The following ROBO1 variants were observed in gnomAD, a reference collection of about 807,000 sequenced individuals.
ROBO1 encodes the protein roundabout guidance receptor 1.
ROBO1 carries 149 observed loss-of-function variants against 195.9 expected under a neutral mutation model. That is an observed-to-expected ratio of 0.76 (90% CI 0.67 to 0.87). ROBO1 has a LOEUF of 0.87. Among genes scored for constraint, ROBO1 ranks in the 40% least tolerant of loss-of-function variants. The probability of loss-of-function intolerance (pLI) is 0.00; values close to 1 mark genes in which losing one functional copy is unlikely to be tolerated. For missense variants in ROBO1, 1,933 were observed against 2,068.3 expected (o/e 0.93, Z 1.27); for synonymous variants, 816 against 733.2 (o/e 1.11, Z -1.82).
At chr3:79,707,619 C>A (rs1324869175) in intron 1 of ROBO1, among the ~76,000 whole-genome samples, 1 of 152,144 alleles carries the variant, frequency 6.6e-6, no homozygotes, top group African/African-American at 2.4e-5. Context: ...AGTGATTCTC[C>A]TGCCTCAGCC....
intron 2 of ROBO1, among the ~76,000 whole-genome samples, chr3:79,585,904 G>A (rs911041324): frequency 6.6e-6 from 1 of 151,834 alleles, no homozygotes; most frequent in African/African-American, 2.4e-5. Context: ...AATCTCTACA[G>A]GTTTTAAATG....
chr3:78,653,780 C>T (rs974126233), intron 18 of ROBO1, among the ~76,000 whole-genome samples: 2 of 152,134 alleles, frequency 1.3e-5, no homozygotes, highest in Non-Finnish European at 2.9e-5. Context: ...GCCACAGGGG[C>T]GTCTGCCAGT....
intron 5 of ROBO1, among the ~76,000 whole-genome samples, chr3:78,727,442 C>T (rs2082190387): frequency 6.6e-6 from 1 of 151,956 alleles, no homozygotes. Context: ...CTGGCTAACA[C>T]GGTGAAACCC....
chr3:79,078,142 A>G (rs890989719), intron 3 of ROBO1, among the ~76,000 whole-genome samples: 17 of 151,832 alleles, frequency 1.1e-4, no homozygotes, highest in Non-Finnish European at 2.5e-4. Context: ...TGAATTTTCT[A>G]ATTTTCTGTC....
At chr3:79,650,208 G>A (rs1945962365) in intron 1 of ROBO1, among the ~76,000 whole-genome samples, 1 of 151,702 alleles carries the variant, frequency 6.6e-6, no homozygotes, top group African/African-American at 2.4e-5. Context: ...GAAAACTGCA[G>A]AGAAAATACC....
At chr3:79,483,882 C>A (rs902199706) in intron 2 of ROBO1, among the ~76,000 whole-genome samples, 1 of 151,828 alleles carries the variant, frequency 6.6e-6, no homozygotes, top group African/African-American at 2.4e-5. Context: ...GCAGTTCATG[C>A]AGAAGGAGAG....
At position 78,941,302 on chromosome 3, in the gene ROBO1, T is replaced by C. The variant is rs149370425; in HGVS notation, c.173-2375A>G. On this transcript the variant is annotated intron_variant, in intron 3 of 30. Transcript: ENST00000464233. ...AGCAATATAAAAGAAAAAAATTACT[T>C]GGAAACTTATACTCTCTAAGGCTAT... 3.5e-3 allele frequency among the ~76,000 whole-genome samples: 532 copies of C among 152,278 alleles called. 1 individual carries two copies. Among genetic ancestry groups the C allele is most frequent in the Non-Finnish European group, 5.6e-3 (380 of 68,014 alleles).
At chr3:78,852,290 A>G (rs2106876324) in intron 4 of ROBO1, among the ~76,000 whole-genome samples, 1 of 152,288 alleles carries the variant, frequency 6.6e-6, no homozygotes, top group South Asian at 2.1e-4. Context: ...CCTCTGTAAC[A>G]TATCTAGAGA....
At position 78,662,258 on chromosome 3, in the gene ROBO1, A is replaced by G. The variant is rs577119652; in HGVS notation, c.1967-144T>C. ...GCTGTGATTCGGAAAAAAAAAAAAA[A>G]AGGAATAATTTAACCTTTTTATTAG... On this transcript the variant is annotated intron_variant, in intron 14 of 30. Coordinates refer to ENST00000464233, the MANE Select transcript of ROBO1 (RefSeq NM_002941.4). 660 of 730,338 alleles carry G rather than the reference A, an allele frequency of 9.0e-4. 4 individuals carry two copies. Among genetic ancestry groups the G allele is most frequent in the South Asian group, 3.9e-4 (19 of 49,044 alleles). The allele number at this position is 730,338 out of a possible 1,614,324, so 45.2% of individuals were successfully genotyped here.
intron 4 of ROBO1, among the ~76,000 whole-genome samples, chr3:78,801,004 C>G (rs1334226540): frequency 1.3e-5 from 2 of 152,092 alleles, no homozygotes; most frequent in African/African-American, 4.8e-5. Context: ...AATTCCACAC[C>G]ACTTCAGGTG....
chr3:79,126,366 T>C (rs1050141819), intron 2 of ROBO1, among the ~76,000 whole-genome samples: 1 of 152,310 alleles, frequency 6.6e-6, no homozygotes, highest in African/African-American at 2.4e-5. Flanking sequence ...CGCAGAATTT[T>C]AGAGTGGAGG....
chr3:78,705,501 G>A (rs1176907342), intron 8 of ROBO1, among the ~76,000 whole-genome samples: 3 of 152,222 alleles, frequency 2.0e-5, no homozygotes, highest in East Asian at 1.9e-4. Context: ...AACAACTGGT[G>A]TGTATCAGGA....
intron 4 of ROBO1, among the ~76,000 whole-genome samples, chr3:78,858,564 CAA>C (rs554355096): frequency 0.44 from 41,939 of 95,944 alleles, 7,049 homozygotes; most frequent in African/African-American, 0.5. Flanking sequence ...CCCTGTCTAC[CAA>C]AAAAAAAAAA....
chr3:79,208,395 G>A (rs2081910311), intron 2 of ROBO1, among the ~76,000 whole-genome samples: 1 of 152,198 alleles, frequency 6.6e-6, no homozygotes, highest in South Asian at 2.1e-4. Flanking sequence ...AGTGGGCACT[G>A]CCATCAAGGG....
chr3:79,380,590 T>A (rs1387663), intron 2 of ROBO1, among the ~76,000 whole-genome samples: 101,149 of 151,642 alleles, frequency 0.67, 35,201 homozygotes, highest in African/African-American at 0.88. Context: ...CAAAATTTTA[T>A]TTTAATATGG....
Position 79,525,066 on chromosome 3 carries a change from G to A in ROBO1, c.88+64758C>T, listed in dbSNP as rs76371336. 2.9e-3 allele frequency among the ~76,000 whole-genome samples: 444 copies of A among 151,776 alleles called. 2 individuals are homozygous for A. The highest frequency in any genetic ancestry group is 0.01 in the African/African-American group (415 of 41,492). On this transcript the variant is annotated intron_variant, in intron 2 of 30. Coordinates refer to ENST00000464233, the MANE Select transcript of ROBO1 (RefSeq NM_002941.4). ...CATAAAAATTCTCAAACTTGGAACA[G>A]TATACTTTCTTATGTTATATTCTCC...
At chr3:78,877,437 T>C (rs1452623833) in intron 4 of ROBO1, among the ~76,000 whole-genome samples, 1 of 151,258 alleles carries the variant, frequency 6.6e-6, no homozygotes, top group Non-Finnish European at 1.5e-5. Context: ...AATAAAAACA[T>C]CCCTAAAATA....
intron 2 of ROBO1, among the ~76,000 whole-genome samples, chr3:79,563,073 G>A (rs1424472166): frequency 6.6e-6 from 1 of 151,536 alleles, no homozygotes; most frequent in African/African-American, 2.4e-5. Flanking sequence ...ACACACATAT[G>A]GCTAGGGGTG....
chr3:78,961,763 T>G (rs1034600113), intron 3 of ROBO1, among the ~76,000 whole-genome samples: 2 of 152,194 alleles, frequency 1.3e-5, no homozygotes, highest in Non-Finnish European at 2.9e-5. Context: ...GAATTCACCT[T>G]GTACAAGAAT....
Sources: allele counts gnomAD v4.1 joint callset (sites outside exome capture counted in the v4.1 genomes callset), GRCh38; gene constraint gnomAD v4.1.1; transcripts MANE v1.5; gene names NCBI Gene and HGNC (gene_info 2026-07-23, HGNC 2026-07-21).